Variants in PCDHA10 observed in about 807,000 individuals in gnomAD.
PCDHA10 encodes protocadherin alpha 10, also known as protocadherin alpha-10.
A neutral mutation model predicts 61.2 loss-of-function variants in PCDHA10; 45 were observed. The observed-to-expected ratio is 0.74, with a 90% CI of 0.58 to 0.94. The LOEUF (loss-of-function observed/expected upper bound fraction) is 0.94. PCDHA10 is among the 40% of genes least tolerant of loss of function. The pLI is 0.00. For missense variants in PCDHA10, 1,278 were observed against 1,236.2 expected, an observed-to-expected ratio of 1.03 and a Z score of -0.51; for synonymous variants, 602 against 548.8, an observed-to-expected ratio of 1.10 and a Z score of -1.35.
intron 1 of PCDHA10, among the ~76,000 whole-genome samples, chr5:140,917,553 T>C (rs1220066857): frequency 6.6e-6 from 1 of 152,258 alleles, no homozygotes; most frequent in African/African-American, 2.4e-5. Context: ...TACATTTAAC[T>C]CTTTAATCCA....
intron 1 of PCDHA10, chr5:140,877,520 C>T (rs2057180531): frequency 6.2e-7 from 1 of 1,613,784 alleles, no homozygotes; most frequent in Non-Finnish European, 8.5e-7. Context: ...TCGCGGGCCT[C>T]AGTGGGCGCT....
chr5:140,884,491 C>G, intron 1 of PCDHA10: 1 of 1,614,052 alleles, frequency 6.2e-7, no homozygotes, highest in East Asian at 2.2e-5. Flanking sequence ...CTCTAGTGTG[C>G]TCCAGCGCGG....
Position 140,856,043 on chromosome 5 carries a change from G to A in PCDHA10, c.-6G>A. On this transcript the variant is annotated 5_prime_UTR_variant, in exon 1 of 4. Coordinates refer to ENST00000307360, the MANE Select transcript of PCDHA10 (RefSeq NM_018901.4). The stretch of plus-strand genomic sequence containing the variant: ...TCGTCGATTTGTAAAACAAGAGAAG[G>A]ATAAGATGGTTTCCAGATGTAGCTG... The A allele has an allele frequency of 3.8e-6, 6 of 1,581,380 alleles. 1 individual carries two copies. The highest frequency in any genetic ancestry group is 5.2e-6 in the Non-Finnish European group (6 of 1,157,972).
chr5:140,889,241 T>C (rs987868473), intron 1 of PCDHA10, among the ~76,000 whole-genome samples: 120 of 151,950 alleles, frequency 7.9e-4, no homozygotes, highest in African/African-American at 2.7e-3. Context: ...TCCAGAAAAT[T>C]TTCTGTTTCC....
In PCDHA10 at chr5:140,982,572, C is replaced by T; in HGVS notation, c.2536+9C>T. On this transcript the variant is annotated intron_variant, in intron 3 of 3. Coordinates refer to ENST00000307360, the MANE Select transcript of PCDHA10 (RefSeq NM_018901.4). ...ATCCAGTGCAACACCAGGTAAAGAG[C>T]TGGGGTCTCTCCATTCTTTCTTGGT... is the stretch of plus-strand genomic sequence containing the variant. 4 of 1,613,760 alleles carry T rather than the reference C, an allele frequency of 2.5e-6. No homozygotes were observed. Among genetic ancestry groups the T allele is most frequent in the Non-Finnish European group, 3.4e-6 (4 of 1,179,726 alleles).
chr5:140,952,767 A>T (rs912245909), intron 1 of PCDHA10, among the ~76,000 whole-genome samples: 13 of 152,298 alleles, frequency 8.5e-5, no homozygotes, highest in African/African-American at 2.9e-4. Flanking sequence ...GAGACTGGAT[A>T]ATTTAGAAAG....
chr5:140,945,659 G>C (rs2093824580), intron 1 of PCDHA10, among the ~76,000 whole-genome samples: 1 of 152,090 alleles, frequency 6.6e-6, no homozygotes, highest in Non-Finnish European at 1.5e-5. Context: ...GCAGAATACA[G>C]CTCCCAGAAA....
intron 1 of PCDHA10, among the ~76,000 whole-genome samples, chr5:140,890,900 A>G (rs1554184581): frequency 6.6e-6 from 1 of 151,984 alleles, no homozygotes; most frequent in Admixed American, 6.6e-5. Flanking sequence ...TTGTCTTTCC[A>G]TGTTAGAATA....
chr5:140,870,329 A>G, intron 1 of PCDHA10: 1 of 1,614,160 alleles, frequency 6.2e-7, no homozygotes, highest in Non-Finnish European at 8.5e-7. Context: ...TTGGTGCTGG[A>G]CAGCGCCCTG....
intron 1 of PCDHA10, chr5:140,927,906 CG>C: frequency 6.2e-7 from 1 of 1,614,180 alleles, no homozygotes. Context: ...ATCATGCCCC[CG>C]AACTGGACTT....
At chr5:140,877,317 G>T (rs535177109) in intron 1 of PCDHA10, 2 of 1,614,004 alleles carry the variant, frequency 1.2e-6, no homozygotes, top group South Asian at 1.1e-5. Context: ...AACCGGCGGC[G>T]GTCGGCGCGC....
intron 1 of PCDHA10, among the ~76,000 whole-genome samples, chr5:140,941,995 T>C (rs1243854944): frequency 6.6e-6 from 1 of 152,234 alleles, no homozygotes; most frequent in Non-Finnish European, 1.5e-5. Context: ...AAGGGATTCA[T>C]ATCTCTTATT....
intron 1 of PCDHA10, chr5:140,968,442 T>G (rs1245424149): frequency 3.1e-6 from 5 of 1,613,950 alleles, no homozygotes; most frequent in Non-Finnish European, 4.2e-6. Context: ...AGCCCACCAC[T>G]GAGCAGCACT....
rs782434773 is a variant in PCDHA10 at position 140,857,947 on chromosome 5, G to T, written c.1899G>T (p.Thr633=). The T allele has an allele frequency of 6.3e-7, 1 of 1,597,414 alleles. No homozygotes were observed. Among genetic ancestry groups the T allele is most frequent in the East Asian group, 2.2e-5 (1 of 44,790 alleles). Residue 633 remains threonine (T), a synonymous_variant, in exon 1 of 4, where the codon ACG becomes ACT. Transcript: ENST00000307360. ...TGTACACGGGCGAGATCAGTACGAC[G>T]CGCGCTCTGGATGAGACTGACTCGC... The part of the protein sequence containing the change: ...VGLYTGEIST[T]RALDETDSPR...
chr5:140,961,366 C>A (rs1384222732), intron 1 of PCDHA10, among the ~76,000 whole-genome samples: 2 of 152,144 alleles, frequency 1.3e-5, no homozygotes, highest in Non-Finnish European at 2.9e-5. Context: ...CATTAGAATT[C>A]TCCTTCTAGT....
chr5:140,934,534 GTTCTAA>G (rs1488792046), intron 1 of PCDHA10, among the ~76,000 whole-genome samples: 7 of 152,064 alleles, frequency 4.6e-5, no homozygotes, highest in Non-Finnish European at 7.4e-5. Flanking sequence ...GAGAGCTACC[GTTCTAA>G]TTCTATCATT....
chr5:140,876,580 G>T, intron 1 of PCDHA10: 1 of 1,614,190 alleles, frequency 6.2e-7, no homozygotes, highest in African/African-American at 1.3e-5. Context: ...TACCGTCATT[G>T]CCCTGATTAG....
intron 1 of PCDHA10, chr5:140,968,073 A>G: frequency 6.2e-7 from 1 of 1,614,142 alleles, no homozygotes; most frequent in African/African-American, 1.3e-5. Flanking sequence ...GCTGTCTACA[A>G]CATCACGGTG....
intron 1 of PCDHA10, chr5:140,878,049 A>G (rs1365340256): frequency 2.1e-6 from 1 of 479,780 alleles, no homozygotes; most frequent in African/African-American, 2.0e-5. Flanking sequence ...GCCATGGAGC[A>G]CCACACTTAA....
Sources: gnomAD v4.1 joint callset for allele counts (sites outside exome capture counted in the v4.1 genomes callset) on GRCh38, gnomAD v4.1.1 for gene constraint, MANE v1.5 for transcripts, NCBI Gene and HGNC (gene_info 2026-07-23, HGNC 2026-07-21) for gene names.